The following BBX variants were observed in gnomAD, a reference collection of about 807,000 sequenced individuals.
BBX encodes BBX high mobility group box domain containing.
Under a neutral mutation model 100.2 loss-of-function variants are expected in BBX, and 30 were observed. The observed-to-expected ratio is 0.30, with a 90% CI of 0.22 to 0.41. BBX has a LOEUF of 0.41. BBX is among the 10% of genes least tolerant of loss of function. The pLI is 1.00. For missense variants in BBX, 1,023 were observed against 1,129.8 expected (o/e 0.91, Z 1.35); for synonymous variants, 376 against 388.1 (o/e 0.97, Z 0.37).
intron 3 of BBX, among the ~76,000 whole-genome samples, chr3:107,661,564 G>T (rs1413769344): frequency 6.6e-6 from 1 of 152,114 alleles, no homozygotes; most frequent in Non-Finnish European, 1.5e-5. Context: ...CTTCAAAATG[G>T]TTGACGGTAT....
At position 107,798,566 on chromosome 3, in the gene BBX, G is replaced by A. The variant is rs1377473452; in HGVS notation, c.2397G>A (p.Lys799=). The part of the protein sequence containing the change: ...EDRNTMEPVH[K]VKNIPSIFNT... ...GAAACACCATGGAGCCTGTTCATAA[G>A]GTTAAAAATATCCCATCCATTTTCA... The change falls in exon 16 of 18, where the codon AAG becomes AAA. Residue 799 remains lysine (K), a synonymous_variant. Transcript: ENST00000325805. 5.0e-6 allele frequency: 8 copies of A among 1,613,914 alleles called. No individual in the cohort carries two copies. Among genetic ancestry groups the A allele is most frequent in the African/African-American group, 1.3e-5 (1 of 74,876 alleles).
intron 3 of BBX, among the ~76,000 whole-genome samples, chr3:107,701,852 G>T (rs1022084044): frequency 1.3e-5 from 2 of 151,642 alleles, no homozygotes; most frequent in Non-Finnish European, 2.9e-5. Context: ...TACCTTTTAG[G>T]CTTATTGTAA....
chr3:107,677,646 G>A (rs917141534), intron 3 of BBX, among the ~76,000 whole-genome samples: 3 of 152,024 alleles, frequency 2.0e-5, no homozygotes, highest in Admixed American at 6.6e-5. Flanking sequence ...GTAACTTATC[G>A]AATACTAAAA....
chr3:107,728,004 C>A (rs1436847225), intron 5 of BBX, among the ~76,000 whole-genome samples: 4 of 151,960 alleles, frequency 2.6e-5, no homozygotes, highest in Admixed American at 2.6e-4. Context: ...TAAGAGGTAG[C>A]AGAATTGAGA....
At chr3:107,698,894 T>C (rs974495632) in intron 3 of BBX, among the ~76,000 whole-genome samples, 1 of 151,716 alleles carries the variant, frequency 6.6e-6, no homozygotes, top group Non-Finnish European at 1.5e-5. Context: ...TGAGTAATTG[T>C]TAGGAATGTC....
intron 3 of BBX, among the ~76,000 whole-genome samples, chr3:107,687,643 T>C (rs2059925627): frequency 6.6e-6 from 1 of 152,170 alleles, no homozygotes; most frequent in African/African-American, 2.4e-5. Flanking sequence ...TATTTTTCCT[T>C]TTGTGAGGTG....
rs928069403 is a variant in BBX at position 107,597,292 on chromosome 3, C to T, written c.-83-48544C>T. ...TATGTTTAAAAATCTATTGATTACC[C>T]TATCATATTTCTGGTAAAAAAGTTA... On this transcript the variant is annotated intron_variant, in intron 2 of 17. Transcript: ENST00000325805. Among the ~76,000 whole-genome samples, 7 of 152,028 alleles carry T rather than the reference C, an allele frequency of 4.6e-5. 1 individual carries two copies. The highest frequency in any genetic ancestry group is 8.8e-5 in the Non-Finnish European group (6 of 68,004).
chr3:107,586,687 G>A (rs1262057793), intron 2 of BBX, among the ~76,000 whole-genome samples: 1 of 152,020 alleles, frequency 6.6e-6, no homozygotes, highest in Non-Finnish European at 1.5e-5. Flanking sequence ...GGCTAAGCAA[G>A]TTTGAGAAAT....
At chr3:107,576,514 TC>T (rs2051786379) in intron 2 of BBX, among the ~76,000 whole-genome samples, 1 of 152,224 alleles carries the variant, frequency 6.6e-6, no homozygotes, top group Admixed American at 6.5e-5. Flanking sequence ...AGAAGGTTTT[TC>T]TGTGTGATCT....
intron 3 of BBX, among the ~76,000 whole-genome samples, chr3:107,660,790 G>A (rs1157377968): frequency 1.3e-5 from 2 of 152,112 alleles, no homozygotes; most frequent in Non-Finnish European, 2.9e-5. Context: ...AAGAGTTTAA[G>A]TGCCCCTCAA....
At chr3:107,762,734 C>G (rs2065992822) in intron 10 of BBX, among the ~76,000 whole-genome samples, 1 of 152,166 alleles carries the variant, frequency 6.6e-6, no homozygotes. Context: ...TGTTTTTAAT[C>G]TGGCCAACTC....
intron 2 of BBX, among the ~76,000 whole-genome samples, chr3:107,555,512 A>C (rs540295511): frequency 3.3e-5 from 5 of 152,340 alleles, no homozygotes; most frequent in Middle Eastern, 3.4e-3. Flanking sequence ...TGAAGATCAA[A>C]CAAAAAAGTT....
chr3:107,652,176 A>G (rs1434299370), intron 3 of BBX, among the ~76,000 whole-genome samples: 1 of 104,028 alleles, frequency 9.6e-6, no homozygotes, highest in African/African-American at 3.7e-5. Context: ...GGATATTGAT[A>G]TAGGCTCAAA....
chr3:107,554,286 T>C (rs1056822793), intron 2 of BBX, among the ~76,000 whole-genome samples: 2 of 152,224 alleles, frequency 1.3e-5, no homozygotes, highest in African/African-American at 2.4e-5. Flanking sequence ...TTTTGGCTGT[T>C]ACTTGTGGAA....
rs143185362 is a variant in BBX, at chr3:107,626,200, G to A, written c.-83-19636G>A. Reference sequence around the variant, plus strand: ...GCTAGAAGAAACATGTTCTATATGGGTGACTGGAAAATCTGAGATATTATA... The same window carrying A: ...GCTAGAAGAAACATGTTCTATATGGATGACTGGAAAATCTGAGATATTATA... On this transcript the variant is annotated intron_variant, in intron 2 of 17. Coordinates refer to ENST00000325805, the MANE Select transcript of BBX (RefSeq NM_001142568.3). 1.1e-3 allele frequency among the ~76,000 whole-genome samples: 165 copies of A among 152,240 alleles called. 3 individuals carry two copies. The highest frequency in any genetic ancestry group is 6.2e-3 in the East Asian group (32 of 5,192).
At chr3:107,566,169 C>CTT (rs2050891745) in intron 2 of BBX, among the ~76,000 whole-genome samples, 1 of 88,370 alleles carries the variant, frequency 1.1e-5, no homozygotes, top group African/African-American at 4.7e-5. Context: ...GAGCGAAACT[C>CTT]TGTCTCAAAA....
At chr3:107,692,344 C>A (rs183326359) in intron 3 of BBX, among the ~76,000 whole-genome samples, 252 of 152,134 alleles carry the variant, frequency 1.7e-3, no homozygotes, top group African/African-American at 5.9e-3. Flanking sequence ...ATCCCTCCCC[C>A]CTCACCCCAC....
intron 3 of BBX, among the ~76,000 whole-genome samples, chr3:107,682,965 T>C (rs1352167381): frequency 2.0e-5 from 3 of 152,168 alleles, no homozygotes; most frequent in Non-Finnish European, 4.4e-5. Context: ...AAATAACTTA[T>C]TGACTTTCTT....
intron 3 of BBX, among the ~76,000 whole-genome samples, chr3:107,688,730 T>A (rs2059988340): frequency 2.0e-5 from 3 of 152,230 alleles, no homozygotes; most frequent in Admixed American, 2.0e-4. Context: ...TTCCAACTCA[T>A]ATTTTATAAT....
Sources: gnomAD v4.1 joint callset for allele counts (sites outside exome capture counted in the v4.1 genomes callset) on GRCh38, gnomAD v4.1.1 for gene constraint, MANE v1.5 for transcripts, NCBI Gene and HGNC (gene_info 2026-07-23, HGNC 2026-07-21) for gene names.